Variants in GJC2 observed in about 807,000 individuals in gnomAD.
GJC2 encodes gap junction protein gamma 2.
For missense variants in GJC2, 647 were observed against 648.9 expected (o/e 1.00, Z 0.03); for synonymous variants, 336 against 307.5 (o/e 1.09, Z -0.97).
In GJC2 at chr1:228,157,739, G is replaced by GGGGGGGGGGGGGGGGGGGGGGGGGGGGC; in HGVS notation, c.-19_-18insGGGGGGGGGGGGGGGGGGGGGGGGGGCG. 1 of 680,886 alleles carries GGGGGGGGGGGGGGGGGGGGGGGGGGGGC rather than the reference G, an allele frequency of 1.5e-6. No individual in the cohort carries two copies. The allele number at this position is 680,886 out of a possible 1,614,324, so 42.2% of individuals were successfully genotyped here. On this transcript the variant is annotated splice_region_variant and 5_prime_UTR_variant. Coordinates refer to ENST00000366714, the MANE Select transcript of GJC2 (RefSeq NM_020435.4). The stretch of plus-strand genomic sequence containing the variant: ...TGGCTGACCCCTACCCCGCCCCACA[G>GGGGGGGGGGGGGGGGGGGGGGGGGGGGC]GACCCGCCCGCCCGCCCCTATGACC...
At chr1:228,153,484 T>C (rs1400677130) in intron 1 of GJC2, among the ~76,000 whole-genome samples, 1 of 151,564 alleles carries the variant, frequency 6.6e-6, no homozygotes, top group Non-Finnish European at 1.5e-5. Flanking sequence ...CCTCCGGGGT[T>C]CAAGCGATTC....
chr1:228,156,733 G>A (rs1009669016), intron 1 of GJC2, among the ~76,000 whole-genome samples: 8 of 152,252 alleles, frequency 5.3e-5, no homozygotes. Flanking sequence ...CGACCCAGGA[G>A]CAGGTACTGG....
In GJC2 at chr1:228,152,914, GCCT is replaced by G. The variant is rs1348243752; in HGVS notation, c.-20+2913_-20+2915del. Among the ~76,000 whole-genome samples the G allele has an allele frequency of 2.6e-5, 4 of 152,104 alleles. No homozygotes were observed. Among genetic ancestry groups the G allele is most frequent in the Non-Finnish European group, 5.9e-5 (4 of 68,016 alleles). ...TGACACCTTACTAACCCCAGCAGCT[GCCT>G]CCTCCCAGACTCTGAAGCCCAAGGG... On this transcript the variant is annotated intron_variant, in intron 1 of 1. Transcript: ENST00000366714. This position sits in a 1 kb window ranked among gnomAD's most constrained non-coding sequence, Gnocchi z 7.3.
chr1:228,158,359 C>T lies in GJC2; in HGVS notation c.601C>T (p.Arg201Trp), dbSNP rs2034717615. The T allele has an allele frequency of 4.4e-6, 7 of 1,592,622 alleles. No individual in the cohort carries two copies. Among genetic ancestry groups the T allele is most frequent in the Non-Finnish European group, 4.3e-6 (5 of 1,173,994 alleles). Residue 201 changes from arginine to tryptophan, a missense_variant, in exon 2 of 2, where the codon CGG (arginine) becomes TGG (tryptophan). Physicochemically the swap from Arg to Trp is moderately radical, Grantham distance 101. Transcript: ENST00000366714. The surrounding 1 kb of genome is among the most constrained non-coding windows in gnomAD (Gnocchi z 8.3). ...GGGCCCGACCGGGCAACACGATGGG[C>T]GGAGGCGCATCCAGCGGGAGGGCCT... ...TPGPTGQHDG[R>W]RRIQREGLMR...
At position 228,157,909 on chromosome 1, in the gene GJC2, C is replaced by T; in HGVS notation, c.151C>T (p.Gln51Ter). 1 of 1,612,748 alleles carries T rather than the reference C, an allele frequency of 6.2e-7. No individual in the cohort carries two copies. The highest frequency in any genetic ancestry group is 1.1e-5 in the South Asian group (1 of 91,028). Residue 51 changes from glutamine to a stop codon, truncating the protein, a stop_gained, in exon 2 of 2, where the codon CAG (glutamine) becomes TAG (stop). Transcript: ENST00000366714. LOFTEE classifies it low-confidence loss of function (END_TRUNC). The part of the protein sequence containing the change: ...VGGEAIYSDE[Q>*]AKFTCNTRQP... ...CGGCGAGGCCATCTACTCGGACGAG[C>T]AGGCCAAGTTCACTTGCAACACGCG...
In GJC2 at chr1:228,158,571, G is replaced by A; in HGVS notation, c.813G>A (p.Met271Ile). 1 of 1,612,666 alleles carries A rather than the reference G, an allele frequency of 6.2e-7. No individual in the cohort carries two copies. The highest frequency in any genetic ancestry group is 8.5e-7 in the Non-Finnish European group (1 of 1,179,516). ...AAAAGACGGTCTTCCTGCTGGTTAT[G>A]TACGTGGTCAGCTGCCTGTGCCTGC... The part of the protein sequence containing the change: ...PTEKTVFLLV[M>I]YVVSCLCLLL... Residue 271 changes from methionine (M) to isoleucine (I), a missense_variant, in exon 2 of 2, where the codon ATG becomes ATA. Met to Ile is a conservative substitution (Grantham distance 10, BLOSUM62 1). Coordinates refer to ENST00000366714, the MANE Select transcript of GJC2 (RefSeq NM_020435.4). This position sits in a 1 kb window ranked among gnomAD's most constrained non-coding sequence, Gnocchi z 8.3.
Position 228,151,980 on chromosome 1 carries a change from G to A in GJC2, c.-20+1973G>A, listed in dbSNP as rs372440047. Among the ~76,000 whole-genome samples the A allele has an allele frequency of 6.6e-6, 1 of 152,146 alleles. No individual in the cohort carries two copies. The highest frequency in any genetic ancestry group is 2.4e-5 in the African/African-American group (1 of 41,416). On this transcript the variant is annotated intron_variant, in intron 1 of 1. Coordinates refer to ENST00000366714, the MANE Select transcript of GJC2 (RefSeq NM_020435.4). The surrounding 1 kb of genome is among the most constrained non-coding windows in gnomAD (Gnocchi z 5.4). ...GGGTAGGGGGCTACGGCCTGTCAGC[G>A]GGTGAGGAGAAATTGAGGCCTGAGG...
chr1:228,157,162 G>T (rs1019764454), intron 1 of GJC2, among the ~76,000 whole-genome samples: 3 of 151,692 alleles, frequency 2.0e-5, no homozygotes, highest in African/African-American at 7.3e-5. Flanking sequence ...GAGGGACCCC[G>T]ACGCCCCTGT....
At position 228,157,741 on chromosome 1, in the gene GJC2, A is replaced by ACGC; in HGVS notation, c.-17_-16insGCC. 1 of 354,470 alleles carries ACGC rather than the reference A, an allele frequency of 2.8e-6. No homozygotes were observed. The highest frequency in any genetic ancestry group is 5.6e-6 in the Non-Finnish European group (1 of 177,092). 22.0% of individuals were successfully genotyped at this position (354,470 alleles called of 1,614,324 possible). A position where few individuals can be genotyped will look rare whatever the true frequency, so the allele number is the denominator to read the frequency against. On this transcript the variant is annotated splice_region_variant and 5_prime_UTR_variant, in exon 2 of 2. Transcript: ENST00000366714. The stretch of plus-strand genomic sequence containing the variant: ...GCTGACCCCTACCCCGCCCCACAGG[A>ACGC]CCCGCCCGCCCGCCCCTATGACCAA...
At chr1:228,153,407 A>T (rs1453652725) in intron 1 of GJC2, among the ~76,000 whole-genome samples, 1 of 151,044 alleles carries the variant, frequency 6.6e-6, no homozygotes, top group Non-Finnish European at 1.5e-5. Flanking sequence ...AAAAAAAGTA[A>T]ATAGGGTCTG....
chr1:228,152,374 C>G lies in GJC2; in HGVS notation c.-20+2367C>G, dbSNP rs1048108456. ...GTGCTACACCCAGCAGGGCGGGGCT[C>G]GTTCTGCAGTGCCTCAGGACCCTTG... On this transcript the variant is annotated intron_variant, in intron 1 of 1. Coordinates refer to ENST00000366714, the MANE Select transcript of GJC2 (RefSeq NM_020435.4). This position sits in a 1 kb window ranked among gnomAD's most constrained non-coding sequence, Gnocchi z 7.3. Among the ~76,000 whole-genome samples, 1 of 152,104 alleles carries G rather than the reference C, an allele frequency of 6.6e-6. No homozygotes were observed. Among genetic ancestry groups the G allele is most frequent in the Non-Finnish European group, 1.5e-5 (1 of 67,998 alleles).
Position 228,157,742 on chromosome 1 carries a change from C to CCT in GJC2, c.-16_-15insTC. On this transcript the variant is annotated 5_prime_UTR_variant, in exon 2 of 2. Coordinates refer to ENST00000366714, the MANE Select transcript of GJC2 (RefSeq NM_020435.4). ...CTGACCCCTACCCCGCCCCACAGGA[C>CCT]CCGCCCGCCCGCCCCTATGACCAAC... is the stretch of plus-strand genomic sequence containing the variant. The CCT allele has an allele frequency of 5.1e-6, 1 of 197,640 alleles. No individual in the cohort carries two copies. The allele number at this position is 197,640 out of a possible 1,614,324, so 12.2% of individuals were successfully genotyped here.
At position 228,157,740 on chromosome 1, in the gene GJC2, GACCC is replaced by G; in HGVS notation, c.-18_-15del. The G allele has an allele frequency of 1.1e-5, 7 of 662,260 alleles. No homozygotes were observed. The highest frequency in any genetic ancestry group is 1.9e-5 in the African/African-American group (1 of 53,484). The allele number at this position is 662,260 out of a possible 1,614,324, so 41.0% of individuals were successfully genotyped here. ...GGCTGACCCCTACCCCGCCCCACAG[GACCC>G]GCCCGCCCGCCCCTATGACCAACAT... On this transcript the variant is annotated splice_region_variant and 5_prime_UTR_variant, in exon 2 of 2. Transcript: ENST00000366714.
At chr1:228,154,702 G>A (rs970741409) in intron 1 of GJC2, among the ~76,000 whole-genome samples, 1 of 152,242 alleles carries the variant, frequency 6.6e-6, no homozygotes, top group African/African-American at 2.4e-5. Context: ...TCTAATCTAT[G>A]TCAGTCTGTA....
At position 228,159,165 on chromosome 1, in the gene GJC2, C is replaced by A; in HGVS notation, c.*87C>A. 6.8e-7 allele frequency: 1 copy of A among 1,473,096 alleles called. No individual in the cohort carries two copies. The highest frequency in any genetic ancestry group is 9.3e-7 in the Non-Finnish European group (1 of 1,070,466). 91.3% of individuals were successfully genotyped at this position (1,473,096 alleles called of 1,614,324 possible). On this transcript the variant is annotated 3_prime_UTR_variant, in exon 2 of 2. Coordinates refer to ENST00000366714, the MANE Select transcript of GJC2 (RefSeq NM_020435.4). This position sits in a 1 kb window ranked among gnomAD's most constrained non-coding sequence, Gnocchi z 4.0. ...GCGACCCCTTCTCCTCAGCCTTCTC[C>A]TTAGCCGGTGGCCTCAGGCAGACTC...
intron 1 of GJC2, among the ~76,000 whole-genome samples, chr1:228,156,837 C>T (rs930128137): frequency 2.0e-5 from 3 of 152,266 alleles, no homozygotes; most frequent in Admixed American, 6.5e-5. Context: ...CTTTCCTGGG[C>T]ACTTGCCCAC....
chr1:228,150,173 C>T lies in GJC2; in HGVS notation c.-20+166C>T, dbSNP rs1226727866. Among the ~76,000 whole-genome samples, 4 of 152,174 alleles carry T rather than the reference C, an allele frequency of 2.6e-5. No individual in the cohort carries two copies. The highest frequency in any genetic ancestry group is 5.9e-5 in the Non-Finnish European group (4 of 68,012). ...CTTGCGCCTGCCACCCCCTCCTGGG[C>T]TCCGCTGCTCCACGCAGATGGTGGG... On this transcript the variant is annotated intron_variant, in intron 1 of 1. Coordinates refer to ENST00000366714, the MANE Select transcript of GJC2 (RefSeq NM_020435.4). This position sits in a 1 kb window ranked among gnomAD's most constrained non-coding sequence, Gnocchi z 4.6.
chr1:228,156,413 G>A (rs542851424), intron 1 of GJC2, among the ~76,000 whole-genome samples: 77 of 152,338 alleles, frequency 5.1e-4, no homozygotes, highest in African/African-American at 1.8e-3. Context: ...ATGCATGTGC[G>A]TGTTCATGCA....
At position 228,157,741 on chromosome 1, in the gene GJC2, A is replaced by ACACCCCCC; in HGVS notation, c.-17_-16insACCCCCCC. The ACACCCCCC allele has an allele frequency of 3.8e-4, 135 of 354,468 alleles. No homozygotes were observed. The highest frequency in any genetic ancestry group is 9.4e-4 in the South Asian group (49 of 52,106). 22.0% of individuals were successfully genotyped at this position (354,468 alleles called of 1,614,324 possible). On this transcript the variant is annotated splice_region_variant and 5_prime_UTR_variant, in exon 2 of 2. Transcript: ENST00000366714. ...GCTGACCCCTACCCCGCCCCACAGG[A>ACACCCCCC]CCCGCCCGCCCGCCCCTATGACCAA...
Sources: allele counts gnomAD v4.1 joint callset (sites outside exome capture counted in the v4.1 genomes callset), GRCh38; gene constraint gnomAD v4.1.1; non-coding constraint Gnocchi (gnomAD v3.1); transcripts MANE v1.5; gene names NCBI Gene and HGNC (gene_info 2026-07-23, HGNC 2026-07-21).